KIFAP3: variants seen among roughly 807,000 people sequenced by gnomAD.
KIFAP3 encodes the protein kinesin-associated protein 3.
A neutral mutation model predicts 106.5 loss-of-function variants in KIFAP3; 68 were observed. The observed-to-expected ratio is 0.64, with a 90% CI of 0.53 to 0.78. The LOEUF (loss-of-function observed/expected upper bound fraction) is 0.78. Among genes scored for constraint, KIFAP3 ranks in the 30% least tolerant of loss-of-function variants. The probability of loss-of-function intolerance (pLI) is 0.00; values close to 1 mark genes in which losing one functional copy is unlikely to be tolerated. For synonymous variants in KIFAP3, 320 were observed against 311.5 expected, an observed-to-expected ratio of 1.03 and a Z score of -0.29; for missense variants, 780 against 941.8, an observed-to-expected ratio of 0.83 and a Z score of 2.25.
intron 19 of KIFAP3, chr1:169,923,054 T>C (rs1662910973): frequency 2.0e-6 from 2 of 982,324 alleles, no homozygotes; most frequent in Non-Finnish European, 2.4e-6. Flanking sequence ...CCAAAATACA[T>C]ATAACACATA....
intron 1 of KIFAP3, among the ~76,000 whole-genome samples, chr1:170,058,677 C>T (rs1007469298): frequency 6.6e-6 from 1 of 152,056 alleles, no homozygotes; most frequent in Non-Finnish European, 1.5e-5. Context: ...ACTAATGATA[C>T]CTCCATAACA....
At chr1:169,961,758 A>T (rs1240309163) in intron 17 of KIFAP3, among the ~76,000 whole-genome samples, 1 of 152,194 alleles carries the variant, frequency 6.6e-6, no homozygotes, top group Non-Finnish European at 1.5e-5. Context: ...GGTGAATAGT[A>T]AATATATTTT....
intron 5 of KIFAP3, among the ~76,000 whole-genome samples, 168 bp from the exon 6 acceptor site, chr1:170,035,721 T>C (rs1469741671): frequency 2.0e-5 from 3 of 152,120 alleles, no homozygotes; most frequent in South Asian, 4.1e-4. Flanking sequence ...AACTAAAATG[T>C]AATTTTACTT....
intron 1 of KIFAP3, among the ~76,000 whole-genome samples, chr1:170,057,478 G>A (rs1410112427): frequency 6.6e-6 from 1 of 151,140 alleles, no homozygotes. Context: ...AATGAGCAAA[G>A]AAAAAATAAA....
intron 10 of KIFAP3, among the ~76,000 whole-genome samples, chr1:169,996,733 T>A (rs1667389035): frequency 6.6e-6 from 1 of 152,078 alleles, no homozygotes; most frequent in South Asian, 2.1e-4. Context: ...TAGGGCGAAG[T>A]ACAGGAAGGA....
At chr1:169,925,119 C>T (rs1663063163) in intron 19 of KIFAP3, among the ~76,000 whole-genome samples, 1 of 152,104 alleles carries the variant, frequency 6.6e-6, no homozygotes, top group Non-Finnish European at 1.5e-5. Context: ...TCTTGCTACT[C>T]CTAACCCACA....
At chr1:170,065,478 G>A (rs1043469993) in intron 1 of KIFAP3, among the ~76,000 whole-genome samples, 5 of 151,824 alleles carry the variant, frequency 3.3e-5, no homozygotes, top group Non-Finnish European at 4.4e-5. Context: ...GCTGGGCATG[G>A]TGGCGGGCAC....
chr1:169,979,900 A>G (rs1020157294), intron 15 of KIFAP3, among the ~76,000 whole-genome samples: 1 of 152,186 alleles, frequency 6.6e-6, no homozygotes, highest in Non-Finnish European at 1.5e-5. Context: ...AGTAGAAAGG[A>G]TAAATGGTGG....
In KIFAP3 at chr1:169,925,335, T is replaced by C. The variant is rs575661706; in HGVS notation, c.2274-3554A>G. Among the ~76,000 whole-genome samples the C allele has an allele frequency of 1.1e-4, 17 of 152,110 alleles. No homozygotes were observed. In the East Asian group the frequency reaches 3.3e-3, roughly 29 times the overall value. Reference sequence around the variant, plus strand: ...ATGGTTATTGTTTATTGTGAAAAGATAACTAGGAATGATAAGGCCAAAAAG... The same window carrying C: ...ATGGTTATTGTTTATTGTGAAAAGACAACTAGGAATGATAAGGCCAAAAAG... On this transcript the variant is annotated intron_variant, in intron 19 of 19. Coordinates refer to ENST00000361580, the MANE Select transcript of KIFAP3 (RefSeq NM_014970.4).
At chr1:169,971,002 G>A (rs1014547625) in intron 17 of KIFAP3, among the ~76,000 whole-genome samples, 2 of 151,946 alleles carry the variant, frequency 1.3e-5, no homozygotes, top group Non-Finnish European at 2.9e-5. Flanking sequence ...TAAGCTCAGA[G>A]TTTAGAAATT....
At chr1:170,049,255 G>A (rs1179293377) in intron 2 of KIFAP3, among the ~76,000 whole-genome samples, 5 of 152,214 alleles carry the variant, frequency 3.3e-5, no homozygotes, top group Non-Finnish European at 7.3e-5. Flanking sequence ...AGTGGCTGAG[G>A]CCAGACTGCT....
At chr1:170,075,447 C>T (rs1571779917), upstream of KIFAP3, among the ~76,000 whole-genome samples, 1 of 152,330 alleles carries the variant, frequency 6.6e-6, no homozygotes, top group Non-Finnish European at 1.5e-5. Context: ...CCCCTGCTCA[C>T]CTATAATCTT....
chr1:169,994,150 G>A (rs1441035970), intron 10 of KIFAP3, among the ~76,000 whole-genome samples: 1 of 152,160 alleles, frequency 6.6e-6, no homozygotes, highest in Non-Finnish European at 1.5e-5. Context: ...AAAACAATCT[G>A]TCAAATAGGT....
chr1:169,948,114 A>G (rs1664535080), intron 19 of KIFAP3, among the ~76,000 whole-genome samples: 1 of 151,290 alleles, frequency 6.6e-6, no homozygotes. Flanking sequence ...TCTTAGAAAT[A>G]AAGTTATAGA....
chr1:170,084,962 A>G (rs949261658), intron 1 of KIFAP3: 2 of 152,214 alleles, frequency 1.3e-5, no homozygotes, highest in Admixed American at 6.5e-5. Flanking sequence ...TACATTTTAA[A>G]AATACTCCAA....
Position 170,046,635 on chromosome 1 carries a change from T to A in KIFAP3, c.319+77A>T. On this transcript the variant is annotated intron_variant, in intron 3 of 19. Coordinates refer to ENST00000361580, the MANE Select transcript of KIFAP3 (RefSeq NM_014970.4). ...CAAATATCAATAGTTTGATAAACTT[T>A]TTTTTATAGTTGCTTGATGAACTAT... is the stretch of plus-strand genomic sequence containing the variant. 4.1e-6 allele frequency: 5 copies of A among 1,207,716 alleles called. No homozygotes were observed. The South Asian group carries it at 9.7e-5, about 23-fold the overall frequency. The allele number at this position is 1,207,716 out of a possible 1,614,324, so 74.8% of individuals were successfully genotyped here.
intron 1 of KIFAP3, among the ~76,000 whole-genome samples, chr1:170,057,501 C>T (rs181027919): frequency 6.6e-6 from 1 of 150,710 alleles, no homozygotes; most frequent in Admixed American, 6.6e-5. Flanking sequence ...CAAAAACTTA[C>T]AAGAAGTAGT....
intron 2 of KIFAP3, among the ~76,000 whole-genome samples, chr1:170,051,322 C>T (rs760843126): frequency 6.6e-6 from 1 of 151,926 alleles, no homozygotes; most frequent in African/African-American, 2.4e-5. Flanking sequence ...AATACAGGAC[C>T]ACCCAGATTC....
intron 8 of KIFAP3, among the ~76,000 whole-genome samples, chr1:170,031,516 G>T (rs1213890190): frequency 6.6e-6 from 1 of 151,568 alleles, no homozygotes; most frequent in Non-Finnish European, 1.5e-5. Flanking sequence ...TTAAACAAGA[G>T]AAATATTTTA....
Sources: allele counts gnomAD v4.1 joint callset (sites outside exome capture counted in the v4.1 genomes callset), GRCh38; gene constraint gnomAD v4.1.1; transcripts MANE v1.5; gene names NCBI Gene and HGNC (gene_info 2026-07-23, HGNC 2026-07-21).